ASB5: variants seen among roughly 807,000 people sequenced by gnomAD.
The protein encoded by ASB5 is ankyrin repeat and SOCS box protein 5.
In ASB5, 45 loss-of-function variants were observed where a neutral mutation model predicts 42.1. That is an observed-to-expected ratio of 1.07 (90% CI 0.84 to 1.37). The LOEUF (loss-of-function observed/expected upper bound fraction) is 1.37, where lower values mean the gene tolerates loss of function less well. Ranked by LOEUF, ASB5 falls within the 40% of genes most tolerant of loss-of-function variation. The pLI is 0.00. For missense variants in ASB5, 402 were observed against 399.8 expected, an observed-to-expected ratio of 1.01 and a Z score of -0.05; for synonymous variants, 147 against 150.6, an observed-to-expected ratio of 0.98 and a Z score of 0.18.
At chr4:176,222,444 G>A in intron 2 of ASB5, 24 bp from the exon 3 acceptor site, 1 of 1,569,350 alleles carries the variant, frequency 6.4e-7, no homozygotes, top group Non-Finnish European at 8.8e-7. Flanking sequence ...AATTTTGAAA[G>A]GTGAGCAAAG....
chr4:176,251,941 C>T (rs1754045667), intron 1 of ASB5, among the ~76,000 whole-genome samples: 1 of 151,524 alleles, frequency 6.6e-6, no homozygotes, highest in Admixed American at 6.6e-5. Flanking sequence ...TGGTACACAC[C>T]TGTAGACCCA....
intron 1 of ASB5, among the ~76,000 whole-genome samples, chr4:176,259,947 A>G (rs972788937): frequency 1.3e-5 from 2 of 152,280 alleles, no homozygotes; most frequent in Non-Finnish European, 2.9e-5. Context: ...GACATTTCAC[A>G]TAGTTATGTA....
intron 1 of ASB5, among the ~76,000 whole-genome samples, chr4:176,254,537 C>CAA (rs60761708): frequency 5.6e-4 from 81 of 144,304 alleles, no homozygotes; most frequent in Middle Eastern, 3.5e-3. Context: ...AAAGCAATTG[C>CAA]AAAAAAAAAA....
At chr4:176,253,172 A>G (rs894659434) in intron 1 of ASB5, among the ~76,000 whole-genome samples, 1 of 152,222 alleles carries the variant, frequency 6.6e-6, no homozygotes, top group Non-Finnish European at 1.5e-5. Flanking sequence ...CCTGTCTTCA[A>G]ATATTAATCA....
chr4:176,243,735 C>A (rs1753856145), intron 1 of ASB5, among the ~76,000 whole-genome samples: 1 of 152,106 alleles, frequency 6.6e-6, no homozygotes, highest in South Asian at 2.1e-4. Context: ...AACCGCTGAG[C>A]TCAAGCAATC....
At chr4:176,263,764 AC>A (rs1248704426) in intron 1 of ASB5, among the ~76,000 whole-genome samples, 2 of 152,232 alleles carry the variant, frequency 1.3e-5, no homozygotes, top group Non-Finnish European at 2.9e-5. Flanking sequence ...AACCAGCAGC[AC>A]CAAAAGTCAC....
At chr4:176,247,677 A>C (rs1255408590) in intron 1 of ASB5, among the ~76,000 whole-genome samples, 1 of 152,226 alleles carries the variant, frequency 6.6e-6, no homozygotes, top group African/African-American at 2.4e-5. Context: ...CAAGTGGATG[A>C]ATTTCAAAGG....
upstream of ASB5, among the ~76,000 whole-genome samples, chr4:176,269,653 A>C (rs372748033): frequency 6.7e-6 from 1 of 149,532 alleles, no homozygotes; most frequent in African/African-American, 2.5e-5. Context: ...TTAAAAAAAC[A>C]TTTTTCTTAC....
rs1218078818 is a variant in ASB5, at chr4:176,269,155, A to G, written c.-47T>C. 6.4e-7 allele frequency: 1 copy of G among 1,564,008 alleles called. No homozygotes were observed. Reference sequence around the variant, plus strand: ...GGTCTTTAGTTGGATCCAAGTCTCAAATGTGCCTGGCTCTCGTCCGGGATG... The same window carrying G: ...GGTCTTTAGTTGGATCCAAGTCTCAGATGTGCCTGGCTCTCGTCCGGGATG... On this transcript the variant is annotated 5_prime_UTR_variant, in exon 1 of 7. Coordinates refer to ENST00000296525, the MANE Select transcript of ASB5 (RefSeq NM_080874.4).
chr4:176,246,395 A>G lies in ASB5; in HGVS notation c.197-21054T>C, dbSNP rs540674767. On this transcript the variant is annotated intron_variant, in intron 1 of 6. Coordinates refer to ENST00000296525, the MANE Select transcript of ASB5 (RefSeq NM_080874.4). Reference sequence around the variant, plus strand: ...ACCACCTATCAGATACATGCAGTACATGTATTCAGGATGTAAGGAATGGAC... The same window carrying G: ...ACCACCTATCAGATACATGCAGTACGTGTATTCAGGATGTAAGGAATGGAC... 3.6e-4 allele frequency among the ~76,000 whole-genome samples: 55 copies of G among 152,352 alleles called. 1 individual carries two copies. Among genetic ancestry groups the G allele is most frequent in the African/African-American group, 1.2e-3 (50 of 41,580 alleles).
intron 1 of ASB5, among the ~76,000 whole-genome samples, chr4:176,239,818 G>A (rs1461695243): frequency 6.6e-6 from 1 of 152,104 alleles, no homozygotes; most frequent in Non-Finnish European, 1.5e-5. Context: ...ACTGAAGGTG[G>A]ACTAAGGAGA....
At chr4:176,248,107 C>T (rs1190405085) in intron 1 of ASB5, among the ~76,000 whole-genome samples, 3 of 152,082 alleles carry the variant, frequency 2.0e-5, no homozygotes, top group Admixed American at 6.6e-5. Context: ...ACATGCCCAC[C>T]ATATTGGCAA....
chr4:176,225,469 A>G, intron 1 of ASB5, 128 bp from the exon 2 acceptor site: 1 of 753,782 alleles, frequency 1.3e-6, no homozygotes, highest in East Asian at 2.7e-5. Flanking sequence ...GGTGAGCCAG[A>G]TACTTATACT....
chr4:176,270,893 C>A (rs1483009734), upstream of ASB5, among the ~76,000 whole-genome samples: 1 of 152,108 alleles, frequency 6.6e-6, no homozygotes, highest in Admixed American at 6.5e-5. Flanking sequence ...TTCAGTGCTT[C>A]GGGATCAGAA....
At chr4:176,274,094 C>A (rs1754522819), upstream of ASB5, among the ~76,000 whole-genome samples, 1 of 152,074 alleles carries the variant, frequency 6.6e-6, no homozygotes, top group African/African-American at 2.4e-5. Context: ...GCTAAGATAG[C>A]AAGATCTAAG....
intron 2 of ASB5, among the ~76,000 whole-genome samples, chr4:176,275,595 C>T (rs967605265): frequency 1.2e-4 from 19 of 152,328 alleles, no homozygotes; most frequent in African/African-American, 3.4e-4. Context: ...CAGCTCCCTA[C>T]GATCCCATAG....
intron 5 of ASB5, among the ~76,000 whole-genome samples, chr4:176,220,271 G>A (rs1753165923): frequency 6.6e-6 from 1 of 152,154 alleles, no homozygotes; most frequent in South Asian, 2.1e-4. Context: ...GGTGTAATGA[G>A]AATGAAATAG....
chr4:176,223,218 A>C (rs940041150), intron 2 of ASB5, among the ~76,000 whole-genome samples: 1 of 152,212 alleles, frequency 6.6e-6, no homozygotes, highest in Non-Finnish European at 1.5e-5. Flanking sequence ...AAGAATTCTG[A>C]CTATAAAATC....
Position 176,217,884 on chromosome 4 carries a change from G to A in ASB5, c.671-875C>T, listed in dbSNP as rs115766429. Reference sequence around the variant, plus strand: ...TTCCGATACTATCTTTAAAACTAATGATGTCTTCATGAAGCAGTACAGTTA... The same window carrying A: ...TTCCGATACTATCTTTAAAACTAATAATGTCTTCATGAAGCAGTACAGTTA... On this transcript the variant is annotated intron_variant, in intron 5 of 6. Transcript: ENST00000296525. Among the ~76,000 whole-genome samples the A allele has an allele frequency of 9.4e-3, 1,429 of 151,890 alleles. 21 individuals carry two copies. The highest frequency in any genetic ancestry group is 0.032 in the African/African-American group (1,319 of 41,470).
Sources: allele counts gnomAD v4.1 joint callset (sites outside exome capture counted in the v4.1 genomes callset), GRCh38; gene constraint gnomAD v4.1.1; transcripts MANE v1.5; gene names NCBI Gene and HGNC (gene_info 2026-07-23, HGNC 2026-07-21).